Variants in GREB1L observed in about 807,000 individuals in gnomAD.
GREB1L encodes GREB1-like protein.
A neutral mutation model predicts 200.8 loss-of-function variants in GREB1L; 17 were observed. The ratio of observed to expected loss-of-function variants is 0.08; its 90% CI spans 0.06 to 0.13. GREB1L has a LOEUF of 0.13. GREB1L is among the 10% of genes least tolerant of loss of function. The pLI, the probability that GREB1L is intolerant of heterozygous loss-of-function variation, is 1.00. For missense variants in GREB1L, 1,657 were observed against 2,367.7 expected (o/e 0.70, Z 6.23); for synonymous variants, 789 against 893.0 (o/e 0.88, Z 2.08).
rs1186154502 is a variant in GREB1L at position 21,470,998 on chromosome 18, G to A, written c.2183-2033G>A. 4.6e-5 allele frequency among the ~76,000 whole-genome samples: 7 copies of A among 152,218 alleles called. 1 individual carries two copies. The highest frequency in any genetic ancestry group is 3.9e-4 in the Admixed American group (6 of 15,286). ...ACAATCAGGTAGCTCTGATGTGCCTGCTGAGGACAGAGCCAGCACCCTGCA... is the reference window on the plus strand; with the variant it reads ...ACAATCAGGTAGCTCTGATGTGCCTACTGAGGACAGAGCCAGCACCCTGCA... On this transcript the variant is annotated intron_variant, in intron 15 of 32. Transcript: ENST00000424526.
chr18:21,522,988 C>T lies in GREB1L; in HGVS notation c.*167C>T, dbSNP rs2037629409. On this transcript the variant is annotated 3_prime_UTR_variant, in exon 33 of 33. Coordinates refer to ENST00000424526, the MANE Select transcript of GREB1L (RefSeq NM_001142966.3). ...CAAATCTGATCCAGGTCTTTGGGGA[C>T]ATCACTTTCCTTCAGTTCCAATTAC... 1 of 593,664 alleles carries T rather than the reference C, an allele frequency of 1.7e-6. No homozygotes were observed. Among genetic ancestry groups the T allele is most frequent in the Non-Finnish European group, 2.8e-6 (1 of 353,336 alleles). 36.8% of individuals were successfully genotyped at this position (593,664 alleles called of 1,614,324 possible). A position where few individuals can be genotyped will look rare whatever the true frequency, so the allele number is the denominator to read the frequency against.
intron 1 of GREB1L, among the ~76,000 whole-genome samples, chr18:21,308,690 C>G (rs1446196130): frequency 6.6e-6 from 1 of 152,248 alleles, no homozygotes; most frequent in Admixed American, 6.5e-5. Context: ...TTGTAAACCT[C>G]TCTGATGCCC....
chr18:21,347,278 CAA>C (rs556087217), intron 1 of GREB1L, among the ~76,000 whole-genome samples: 1 of 129,006 alleles, frequency 7.8e-6, no homozygotes. Flanking sequence ...GACTCCGTCT[CAA>C]AAAAAAAAAA....
chr18:21,497,279 A>ATTC (rs2036581842), intron 21 of GREB1L, among the ~76,000 whole-genome samples: 1 of 152,184 alleles, frequency 6.6e-6, no homozygotes, highest in African/African-American at 2.4e-5. Context: ...TCTTCTGATA[A>ATTC]ATTGTATTAT....
intron 14 of GREB1L, among the ~76,000 whole-genome samples, chr18:21,452,843 T>C (rs1283582197): frequency 1.3e-5 from 2 of 152,148 alleles, no homozygotes; most frequent in Non-Finnish European, 2.9e-5. Flanking sequence ...GGAGAAAGGA[T>C]AGTTGGGAGA....
chr18:21,348,801 C>T (rs2143224929), intron 1 of GREB1L, among the ~76,000 whole-genome samples: 1 of 152,126 alleles, frequency 6.6e-6, no homozygotes, highest in African/African-American at 2.4e-5. Context: ...AAAAATCAGC[C>T]AGCCATGGTG....
chr18:21,258,725 T>C (rs556451744), intron 1 of GREB1L, among the ~76,000 whole-genome samples: 5 of 152,342 alleles, frequency 3.3e-5, no homozygotes, highest in East Asian at 1.9e-4. Flanking sequence ...ATTTCCCTTT[T>C]GTTTTTGAAT....
rs1179276260 is a variant in GREB1L at position 21,505,838 on chromosome 18, G to A, written c.4257G>A (p.Glu1419=). 6.4e-7 allele frequency: 1 copy of A among 1,551,716 alleles called. No individual in the cohort carries two copies. Among genetic ancestry groups the A allele is most frequent in the Non-Finnish European group, 8.7e-7 (1 of 1,147,006 alleles). ...TGATAAAGGAATCCAAAGTTGAAGA[G>A]CCCAGGAAACGGGAAACTGTATCCA... ...QEVIKESKVE[E]PRKRETVSIM... Residue 1419 remains glutamate (E), a synonymous_variant, in exon 25 of 33, where the codon GAG becomes GAA. Transcript: ENST00000424526.
chr18:21,385,633 T>G (rs972413997), intron 4 of GREB1L, among the ~76,000 whole-genome samples: 10 of 152,172 alleles, frequency 6.6e-5, no homozygotes, highest in South Asian at 2.1e-4. Flanking sequence ...TTTAAGCCTG[T>G]GGAGGTGTAG....
intron 7 of GREB1L, among the ~76,000 whole-genome samples, chr18:21,437,833 T>TA (rs1272976881): frequency 6.6e-6 from 1 of 152,190 alleles, no homozygotes; most frequent in Non-Finnish European, 1.5e-5. Context: ...CCAACTGTTT[T>TA]AAAAAAATAT....
intron 7 of GREB1L, among the ~76,000 whole-genome samples, chr18:21,406,927 T>G (rs1378230190): frequency 6.7e-6 from 1 of 148,198 alleles, no homozygotes; most frequent in Non-Finnish European, 1.5e-5. Context: ...CATGCTGGAG[T>G]GCAGTGGCAC....
At chr18:21,493,288 T>A (rs2036412360) in intron 19 of GREB1L, among the ~76,000 whole-genome samples, 1 of 152,222 alleles carries the variant, frequency 6.6e-6, no homozygotes, top group African/African-American at 2.4e-5. Context: ...ATGACCCCTT[T>A]GGAAGGATAC....
intron 19 of GREB1L, among the ~76,000 whole-genome samples, chr18:21,490,671 T>C (rs1011332017): frequency 5.9e-5 from 9 of 152,186 alleles, no homozygotes; most frequent in African/African-American, 2.2e-4. Flanking sequence ...CATGGCCATC[T>C]GTTTTCTGAG....
chr18:21,513,774 G>C (rs1162155417), intron 27 of GREB1L, 47 bp from the exon 28 acceptor site: 1 of 1,526,058 alleles, frequency 6.6e-7, no homozygotes, highest in South Asian at 1.2e-5. Context: ...AGCCAAGCCT[G>C]AGTGAAGGAT....
intron 4 of GREB1L, 134 bp downstream of exon 4, chr18:21,384,537 T>C (rs2040457484): frequency 1.4e-6 from 1 of 700,882 alleles, no homozygotes. Context: ...ATGATTATGC[T>C]CTCATTCACA....
At chr18:21,361,758 A>G (rs1237881129) in intron 1 of GREB1L, among the ~76,000 whole-genome samples, 1 of 152,130 alleles carries the variant, frequency 6.6e-6, no homozygotes, top group East Asian at 1.9e-4. Context: ...CAGTCAGACA[A>G]TAAGAACTTT....
intron 20 of GREB1L, 27 bp downstream of exon 20, chr18:21,495,812 T>C (rs2036522610): frequency 8.0e-7 from 1 of 1,249,602 alleles, no homozygotes; most frequent in Non-Finnish European, 1.1e-6. Flanking sequence ...TAATTCCATT[T>C]TTCATCAGTT....
intron 15 of GREB1L, chr18:21,455,148 C>T (rs1568025557): frequency 6.6e-6 from 1 of 152,230 alleles, no homozygotes; most frequent in Non-Finnish European, 1.5e-5. Flanking sequence ...AAAAATGTTA[C>T]AAGTCTGTGG....
At chr18:21,374,529 T>A (rs2039996467) in intron 2 of GREB1L, among the ~76,000 whole-genome samples, 1 of 152,218 alleles carries the variant, frequency 6.6e-6, no homozygotes, top group Non-Finnish European at 1.5e-5. Context: ...GAAATACATA[T>A]TTTAAAACTT....
Sources: gnomAD v4.1 joint callset for allele counts (sites outside exome capture counted in the v4.1 genomes callset) on GRCh38, gnomAD v4.1.1 for gene constraint, MANE v1.5 for transcripts, NCBI Gene and HGNC (gene_info 2026-07-23, HGNC 2026-07-21) for gene names.